HDAC9: variants seen among roughly 807,000 people sequenced by gnomAD.
HDAC9 encodes MEF-2 interacting transcription repressor (MITR) protein.
A neutral mutation model predicts 139.4 loss-of-function variants in HDAC9; 41 were observed. That is an observed-to-expected ratio of 0.29 (90% CI 0.23 to 0.38). The LOEUF is 0.38. HDAC9 is among the 10% of genes least tolerant of loss of function. The pLI is 1.00. For missense variants in HDAC9, 1,147 were observed against 1,297.0 expected (o/e 0.88, Z 1.78); for synonymous variants, 517 against 476.2 (o/e 1.09, Z -1.12).
At chr7:18,761,363 G>C (rs748472884) in intron 14 of HDAC9, among the ~76,000 whole-genome samples, 1 of 152,204 alleles carries the variant, frequency 6.6e-6, no homozygotes, top group Non-Finnish European at 1.5e-5. Context: ...ATGGAGTCTA[G>C]AGTGTCTCAA....
intron 1 of HDAC9, among the ~76,000 whole-genome samples, chr7:18,115,394 T>A (rs1021515502): frequency 6.6e-5 from 10 of 152,210 alleles, no homozygotes; most frequent in Admixed American, 2.0e-4. Flanking sequence ...TTCTTTTAGA[T>A]TTGTGAGAAT....
At chr7:18,149,894 C>G (rs1291577666) in intron 1 of HDAC9, among the ~76,000 whole-genome samples, 2 of 151,656 alleles carry the variant, frequency 1.3e-5, no homozygotes, top group East Asian at 3.9e-4. Context: ...TGGCGTCTTG[C>G]TATTTTTGCC....
In HDAC9 at chr7:18,719,331, CTTT is replaced by C. The variant is rs757689693; in HGVS notation, c.1732-8225_1732-8223del. 4.5e-3 allele frequency among the ~76,000 whole-genome samples: 331 copies of C among 73,882 alleles called. 1 individual carries two copies. The highest frequency in any genetic ancestry group is 0.02 in the African/African-American group (299 of 15,174). The allele number at this position is 73,882 out of a possible 152,430, so 48.5% of individuals were successfully genotyped here. On this transcript the variant is annotated intron_variant, in intron 12 of 25. Coordinates refer to ENST00000686413, the MANE Select transcript of HDAC9 (RefSeq NM_178425.4). Reference sequence around the variant, plus strand: ...CTAATTAACCTATTTTTTTCTCTTCCTTTTTTTTTTTTTTTTTTTTTTTTTTGA... The same window carrying C: ...CTAATTAACCTATTTTTTTCTCTTCCTTTTTTTTTTTTTTTTTTTTTTTGA...
intron 8 of HDAC9, among the ~76,000 whole-genome samples, chr7:18,637,508 A>G (rs1784278177): frequency 1.3e-5 from 2 of 152,088 alleles, no homozygotes; most frequent in Non-Finnish European, 2.9e-5. Flanking sequence ...CACCCCCACC[A>G]TTAAAAAAAG....
At position 18,864,145 on chromosome 7, in the gene HDAC9, G is replaced by C. The variant is rs542040951; in HGVS notation, c.2685-10333G>C. Among the ~76,000 whole-genome samples the C allele has an allele frequency of 5.3e-5, 8 of 152,278 alleles. No individual in the cohort carries two copies. The South Asian group carries it at 1.7e-3, about 32-fold the overall frequency. On this transcript the variant is annotated intron_variant, in intron 21 of 25. Transcript: ENST00000686413. ...TAAACAACTTAAGTGTCCCTGGATG[G>C]ATGAATGGATAAAGAAAATGTGGTA... is the stretch of plus-strand genomic sequence containing the variant.
intron 2 of HDAC9, among the ~76,000 whole-genome samples, chr7:18,517,150 T>G: frequency 6.6e-6 from 1 of 152,200 alleles, no homozygotes; most frequent in South Asian, 2.1e-4. Flanking sequence ...AGATTTACTT[T>G]CTGGTATTTA....
At chr7:18,440,178 CT>C (rs369847612) in intron 1 of HDAC9, among the ~76,000 whole-genome samples, 28 of 142,806 alleles carry the variant, frequency 2.0e-4, no homozygotes, top group Middle Eastern at 3.5e-3. Flanking sequence ...AGGTTTACCT[CT>C]TTTTTTTTTC....
At chr7:18,839,077 T>C (rs763450277) in intron 21 of HDAC9, among the ~76,000 whole-genome samples, 14 of 152,172 alleles carry the variant, frequency 9.2e-5, no homozygotes, top group Middle Eastern at 3.4e-3. Flanking sequence ...TCTGAAATAA[T>C]TGAAGGGTAT....
rs1406743125 is a variant in HDAC9 at position 18,685,195 on chromosome 7, C to A, written c.1731+18719C>A. 3.3e-5 allele frequency among the ~76,000 whole-genome samples: 5 copies of A among 152,002 alleles called. No individual in the cohort carries two copies. In the East Asian group the frequency reaches 9.7e-4, roughly 30 times the overall value. On this transcript the variant is annotated intron_variant, in intron 12 of 25. Coordinates refer to ENST00000686413, the MANE Select transcript of HDAC9 (RefSeq NM_178425.4). ...AGCAGTTCTCTAGCTATGGAATCTACTGGTGTTTTGCTGGAAAGCTCATAA... is the reference window on the plus strand; with the variant it reads ...AGCAGTTCTCTAGCTATGGAATCTAATGGTGTTTTGCTGGAAAGCTCATAA...
chr7:18,429,549 TTG>T (rs544337272), intron 1 of HDAC9, among the ~76,000 whole-genome samples: 5 of 150,214 alleles, frequency 3.3e-5, no homozygotes, highest in African/African-American at 7.4e-5. Context: ...GTGTGTGTAT[TTG>T]TGTGTGTGTG....
At chr7:18,607,979 A>G (rs780289835) in intron 6 of HDAC9, among the ~76,000 whole-genome samples, 68 of 152,160 alleles carry the variant, frequency 4.5e-4, no homozygotes, top group Admixed American at 1.2e-3. Context: ...TAAGATTGGA[A>G]TGAGAAAATG....
chr7:18,781,556 GCTTT>G (rs746026284), intron 16 of HDAC9, among the ~76,000 whole-genome samples: 1 of 151,964 alleles, frequency 6.6e-6, no homozygotes, highest in Non-Finnish European at 1.5e-5. Context: ...TTTACTTTTT[GCTTT>G]CTTTGGGCAA....
rs188979940 is a variant in HDAC9, at chr7:18,752,280, G to A, written c.2043+3142G>A. On this transcript the variant is annotated intron_variant, in intron 14 of 25. Coordinates refer to ENST00000686413, the MANE Select transcript of HDAC9 (RefSeq NM_178425.4). ...TAGGCTAGTTGAAAGCGCAAGAAGG[G>A]TCCTACCCAAAAGCCTACTGGTTAG... Among the ~76,000 whole-genome samples, 5 of 152,126 alleles carry A rather than the reference G, an allele frequency of 3.3e-5. No individual in the cohort carries two copies. The East Asian group carries it at 9.7e-4, about 29-fold the overall frequency.
In HDAC9 at chr7:18,522,122, C is replaced by T. The variant is rs117060093; in HGVS notation, c.22+25798C>T. On this transcript the variant is annotated intron_variant, in intron 2 of 25. Coordinates refer to ENST00000686413, the MANE Select transcript of HDAC9 (RefSeq NM_178425.4). ...GGATGTTAGACCAAAATTAACACCGCGAGAAATGTGTTATGCATATATTAC... is the reference window on the plus strand; with the variant it reads ...GGATGTTAGACCAAAATTAACACCGTGAGAAATGTGTTATGCATATATTAC... Among the ~76,000 whole-genome samples, 559 of 152,124 alleles carry T rather than the reference C, an allele frequency of 3.7e-3. 1 individual carries two copies. Among genetic ancestry groups the T allele is most frequent in the Non-Finnish European group, 6.3e-3 (426 of 67,998 alleles).
intron 6 of HDAC9, among the ~76,000 whole-genome samples, chr7:18,601,318 C>A (rs923899018): frequency 2.0e-5 from 3 of 152,170 alleles, no homozygotes; most frequent in Non-Finnish European, 1.5e-5. Context: ...TATTAACTTT[C>A]TATCTTGCCA....
At chr7:18,970,638 T>G (rs1440233558) in intron 24 of HDAC9, among the ~76,000 whole-genome samples, 1 of 152,170 alleles carries the variant, frequency 6.6e-6, no homozygotes, top group Non-Finnish European at 1.5e-5. Flanking sequence ...AAAATTTATC[T>G]TAAAAACGTA....
At chr7:18,290,514 G>A (rs1185607468) in exon 1 of HDAC9, 2 of 456,430 alleles carry the variant, frequency 4.4e-6, no homozygotes, top group Non-Finnish European at 8.8e-6. Context: ...ACAACAAAAC[G>A]GGTAAGTTTC....
chr7:18,576,464 C>G (rs1285858204), intron 2 of HDAC9, among the ~76,000 whole-genome samples: 2 of 151,986 alleles, frequency 1.3e-5, no homozygotes, highest in Admixed American at 6.6e-5. Flanking sequence ...GAGTTCAAAA[C>G]CAGCTTGGCA....
chr7:18,924,528 T>C (rs78153709), intron 22 of HDAC9, among the ~76,000 whole-genome samples: 1 of 152,102 alleles, frequency 6.6e-6, no homozygotes, highest in Non-Finnish European at 1.5e-5. Flanking sequence ...TTAAAAACCC[T>C]GGTCATTTGG....
Sources: allele counts gnomAD v4.1 joint callset (sites outside exome capture counted in the v4.1 genomes callset), GRCh38; gene constraint gnomAD v4.1.1; transcripts MANE v1.5; gene names NCBI Gene and HGNC (gene_info 2026-07-23, HGNC 2026-07-21).